Variants in LMLN observed in about 807,000 individuals in gnomAD.
The protein encoded by LMLN is leishmanolysin like peptidase.
Under a neutral mutation model 92.3 loss-of-function variants are expected in LMLN, and 70 were observed. The ratio of observed to expected loss-of-function variants is 0.76; its 90% CI spans 0.63 to 0.92. LMLN has a LOEUF of 0.92. Ranked by LOEUF, LMLN falls within the 40% of genes least tolerant of loss-of-function variation. The probability of loss-of-function intolerance (pLI) is 0.00; values close to 1 mark genes in which losing one functional copy is unlikely to be tolerated. For missense variants in LMLN, 691 were observed against 814.6 expected (o/e 0.85, Z 1.85); for synonymous variants, 308 against 296.2 (o/e 1.04, Z -0.41).
At chr3:197,991,963 G>A (rs1475941709) in intron 9 of LMLN, among the ~76,000 whole-genome samples, 1 of 149,806 alleles carries the variant, frequency 6.7e-6, no homozygotes, top group Non-Finnish European at 1.5e-5. Flanking sequence ...CTGGGTTCAA[G>A]TGATTCTCCT....
chr3:198,013,439 C>T (rs1178909351), intron 11 of LMLN, among the ~76,000 whole-genome samples: 7 of 124,382 alleles, frequency 5.6e-5, no homozygotes, highest in African/African-American at 2.2e-4. Context: ...CTTCAGAGCC[C>T]CCTAACTAGT....
intron 11 of LMLN, among the ~76,000 whole-genome samples, chr3:198,015,648 C>G (rs1722614923): frequency 6.7e-6 from 1 of 149,114 alleles, no homozygotes; most frequent in Admixed American, 6.7e-5. Flanking sequence ...CTTCTCTCCA[C>G]CCTTCAGAGC....
chr3:197,997,381 G>A (rs1479046813), intron 10 of LMLN, among the ~76,000 whole-genome samples: 4 of 152,102 alleles, frequency 2.6e-5, no homozygotes, highest in Admixed American at 6.6e-5. Flanking sequence ...CAATTCACCC[G>A]CCTCAGCCTC....
chr3:198,007,027 T>C (rs1325591912), intron 11 of LMLN, among the ~76,000 whole-genome samples: 1 of 152,198 alleles, frequency 6.6e-6, no homozygotes, highest in East Asian at 1.9e-4. Flanking sequence ...AATTGGATTG[T>C]TTTTTACTGT....
chr3:197,969,432 C>A (rs972183524), intron 1 of LMLN, among the ~76,000 whole-genome samples: 1 of 152,148 alleles, frequency 6.6e-6, no homozygotes, highest in Non-Finnish European at 1.5e-5. Flanking sequence ...CTTCTATTTT[C>A]TAATTTCCCT....
chr3:197,962,095 G>T (rs1720919126), intron 1 of LMLN, among the ~76,000 whole-genome samples: 1 of 151,980 alleles, frequency 6.6e-6, no homozygotes, highest in South Asian at 2.1e-4. Context: ...AACATAGAAC[G>T]TTCCCACATC....
Position 197,976,593 on chromosome 3 carries a change from T to G in LMLN, c.432-5T>G, listed in dbSNP as rs1195046620. The G allele has an allele frequency of 6.6e-7, 1 of 1,523,692 alleles. No homozygotes were observed. The highest frequency in any genetic ancestry group is 9.0e-7 in the Non-Finnish European group (1 of 1,112,926). 94.4% of individuals were successfully genotyped at this position (1,523,692 alleles called of 1,614,324 possible). On this transcript the variant is annotated splice_polypyrimidine_tract_variant and splice_region_variant and intron_variant, in intron 4 of 15. Transcript: ENST00000330198. The stretch of plus-strand genomic sequence containing the variant: ...TTTAAACTTTGATGTACAAATGGAC[T>G]GAAGACAATGTGCAACAAACCAATA...
intron 1 of LMLN, among the ~76,000 whole-genome samples, chr3:197,965,298 C>T (rs528417528): frequency 1.3e-5 from 2 of 152,284 alleles, no homozygotes; most frequent in African/African-American, 4.8e-5. Flanking sequence ...GGATTACAAG[C>T]GTGAGCCACT....
chr3:198,010,127 G>A (rs1396979780), intron 11 of LMLN, among the ~76,000 whole-genome samples: 1 of 151,992 alleles, frequency 6.6e-6, no homozygotes, highest in African/African-American at 2.4e-5. Flanking sequence ...CCCACTGCTT[G>A]TTTTTGGTTT....
Position 198,032,447 on chromosome 3 carries a change from G to T in LMLN, c.1657-3386G>T, listed in dbSNP as rs114468817. On this transcript the variant is annotated intron_variant, in intron 14 of 15. Coordinates refer to ENST00000330198, the Ensembl canonical transcript of LMLN. ...CCAAAAAATAAATCTCCAGTATGCT[G>T]GTGTATTAGTCCATTTTGCGTTGCT... 4.1e-3 allele frequency among the ~76,000 whole-genome samples: 625 copies of T among 152,286 alleles called. 4 individuals carry two copies. Among genetic ancestry groups the T allele is most frequent in the African/African-American group, 0.014 (592 of 41,550 alleles).
Position 198,042,958 on chromosome 3 carries a change from A to T in LMLN, c.*4291A>T, listed in dbSNP as rs190914855. ...CTTACATTTTTCCTATAGGATAGTT[A>T]TTTTTGTTGAGATCAAATAGACATT... On this transcript the variant is annotated 3_prime_UTR_variant, in exon 16 of 16. Transcript: ENST00000330198. The surrounding 1 kb of genome is among the most constrained non-coding windows in gnomAD (Gnocchi z 4.2). The T allele has an allele frequency of 1.3e-5, 2 of 152,268 alleles. No individual in the cohort carries two copies. The highest frequency in any genetic ancestry group is 1.3e-4 in the Admixed American group (2 of 15,288). 9.4% of individuals were successfully genotyped at this position (152,268 alleles called of 1,614,324 possible).
intron 13 of LMLN, among the ~76,000 whole-genome samples, chr3:198,024,440 C>T (rs903715717): frequency 6.6e-6 from 1 of 152,182 alleles, no homozygotes; most frequent in African/African-American, 2.4e-5. Flanking sequence ...TGGTCTCCAT[C>T]TTCTGACCTC....
chr3:198,032,101 CAA>C (rs35145607), intron 14 of LMLN, among the ~76,000 whole-genome samples: 60 of 103,610 alleles, frequency 5.8e-4, no homozygotes, highest in Non-Finnish European at 6.1e-4. Flanking sequence ...GACTCTGACT[CAA>C]AAAAAAAAAA....
At chr3:197,992,089 C>CAAA (rs869163432) in intron 9 of LMLN, among the ~76,000 whole-genome samples, 1 of 65,636 alleles carries the variant, frequency 1.5e-5, no homozygotes, top group African/African-American at 4.9e-5. Flanking sequence ...GACCCTGTCT[C>CAAA]AAAAAAAAAA....
At chr3:197,988,611 C>T (rs1312401875) in intron 8 of LMLN, among the ~76,000 whole-genome samples, 3 of 151,098 alleles carry the variant, frequency 2.0e-5, no homozygotes, top group African/African-American at 7.3e-5. Flanking sequence ...CTTCCCACCT[C>T]AGCCTCCTGA....
chr3:197,980,368 G>T, exon 6 of LMLN: 1 of 1,614,152 alleles, frequency 6.2e-7, no homozygotes, highest in Non-Finnish European at 8.5e-7. Flanking sequence ...TCATGGAGCA[G>T]TGGGTGTGCC....
In LMLN at chr3:198,031,236, T is replaced by C. The variant is rs1169065069; in HGVS notation, c.1657-4597T>C. 1.3e-5 allele frequency among the ~76,000 whole-genome samples: 2 copies of C among 152,248 alleles called. No individual in the cohort carries two copies. Among genetic ancestry groups the C allele is most frequent in the South Asian group, 2.1e-4 (1 of 4,838 alleles). On this transcript the variant is annotated intron_variant, in intron 14 of 15. Transcript: ENST00000330198. The surrounding 1 kb of genome is among the most constrained non-coding windows in gnomAD (Gnocchi z 4.8). ...GACAGTTACAGAAAAGTAAAATGTA[T>C]GCGGAGGCTAAAGGAAGATAAGAAT...
chr3:197,973,598 G>C (rs1284955143), intron 1 of LMLN, among the ~76,000 whole-genome samples: 1 of 152,122 alleles, frequency 6.6e-6, no homozygotes, highest in East Asian at 1.9e-4. Flanking sequence ...CTGGAGATAG[G>C]TTGGAATGGA....
chr3:198,013,862 T>C (rs528331693), intron 11 of LMLN, among the ~76,000 whole-genome samples: 19 of 143,538 alleles, frequency 1.3e-4, no homozygotes, highest in African/African-American at 5.3e-4. Context: ...CTAGTCTGAC[T>C]TCTCTGTACC....
Sources: allele counts gnomAD v4.1 joint callset (sites outside exome capture counted in the v4.1 genomes callset), GRCh38; gene constraint gnomAD v4.1.1; non-coding constraint Gnocchi (gnomAD v3.1); transcripts MANE v1.5; gene names NCBI Gene and HGNC (gene_info 2026-07-23, HGNC 2026-07-21).